Variants in CACNB2 observed in about 807,000 individuals in gnomAD.
The protein encoded by CACNB2 is calcium voltage-gated channel auxiliary subunit beta 2, also known as voltage-dependent L-type calcium channel subunit beta-2.
CACNB2 carries 42 observed loss-of-function variants against 73.3 expected under a neutral mutation model. That is an observed-to-expected ratio of 0.57 (90% CI 0.45 to 0.74). The LOEUF (loss-of-function observed/expected upper bound fraction) is 0.74, where lower values mean the gene tolerates loss of function less well. CACNB2 is among the 30% of genes least tolerant of loss of function. The pLI is 0.00. For missense variants in CACNB2, 940 were observed against 853.0 expected (o/e 1.10, Z -1.27); for synonymous variants, 348 against 310.3 (o/e 1.12, Z -1.28).
At chr10:18,309,621 C>G (rs917100652) in intron 2 of CACNB2, among the ~76,000 whole-genome samples, 1 of 152,068 alleles carries the variant, frequency 6.6e-6, no homozygotes, top group Non-Finnish European at 1.5e-5. Flanking sequence ...CCATGCCCAG[C>G]TAATTTTTGT....
chr10:18,161,629 C>CTCTT (rs397825429), intron 2 of CACNB2, among the ~76,000 whole-genome samples: 46 of 145,902 alleles, frequency 3.2e-4, no homozygotes, highest in South Asian at 8.8e-4. Flanking sequence ...TGGCAAATCT[C>CTCTT]TTTTTTTTTT....
intron 2 of CACNB2, among the ~76,000 whole-genome samples, chr10:18,273,397 A>C (rs979768997): frequency 6.6e-6 from 1 of 152,198 alleles, no homozygotes; most frequent in African/African-American, 2.4e-5. Flanking sequence ...AACAAAAAAA[A>C]AAGAGGGAAA....
rs190184813 is a variant in CACNB2, at chr10:18,435,408, C to G, written c.333+33365C>G. ...TAGGGTCTTCACTTTTCCTGAAACTCCCTACTCCTTTCCAATGATCACTTC... is the reference window on the plus strand; with the variant it reads ...TAGGGTCTTCACTTTTCCTGAAACTGCCTACTCCTTTCCAATGATCACTTC... On this transcript the variant is annotated intron_variant, in intron 3 of 13. Coordinates refer to ENST00000324631, the MANE Select transcript of CACNB2 (RefSeq NM_201596.3). Among the ~76,000 whole-genome samples, 111 of 152,250 alleles carry G rather than the reference C, an allele frequency of 7.3e-4. 3 individuals are homozygous for G. The highest frequency in any genetic ancestry group is 2.5e-3 in the African/African-American group (102 of 41,552).
Position 18,518,295 on chromosome 10 carries a change from C to T in CACNB2, c.805-41C>T, listed in dbSNP as rs371162914. The T allele has an allele frequency of 1.1e-5, 14 of 1,310,056 alleles. No individual in the cohort carries two copies. In the African/African-American group the frequency reaches 1.6e-4, roughly 15 times the overall value. 81.2% of individuals were successfully genotyped at this position (1,310,056 alleles called of 1,614,324 possible). A position where few individuals can be genotyped will look rare whatever the true frequency, so the allele number is the denominator to read the frequency against. On this transcript the variant is annotated intron_variant, in intron 7 of 13. Coordinates refer to ENST00000324631, the MANE Select transcript of CACNB2 (RefSeq NM_201596.3). ...TTATACACAAAATATTTATGTTCTA[C>T]CTGCCTGTGAAACGTCTAAAAGCCT...
Position 18,539,287 on chromosome 10 carries a change from G to A in CACNB2, c.1546G>A (p.Ala516Thr), listed in dbSNP as rs910210162. ...RSAPIRSASQAEEEPSVEPVK... is the reference protein window; with the variant it reads ...RSAPIRSASQTEEEPSVEPVK... The stretch of plus-strand genomic sequence containing the variant: ...CGCTCCTATCCGTTCTGCTTCCCAA[G>A]CTGAAGAAGAACCTAGTGTGGAACC... Residue 516 changes from alanine to threonine, a missense_variant, in exon 14 of 14, where the codon GCT becomes ACT. By Grantham distance (58) the Ala-to-Thr change is moderately conservative (BLOSUM62 0). Transcript: ENST00000324631. 3.7e-6 allele frequency: 6 copies of A among 1,614,002 alleles called. No individual in the cohort carries two copies. The South Asian group carries it at 4.4e-5, about 12-fold the overall frequency.
intron 2 of CACNB2, among the ~76,000 whole-genome samples, chr10:18,361,268 G>C (rs1359041736): frequency 6.6e-6 from 1 of 151,354 alleles, no homozygotes; most frequent in African/African-American, 2.4e-5. Flanking sequence ...GAGGTGGAAG[G>C]ATCGCTTGAG....
At chr10:18,529,893 G>A (rs990572084) in intron 10 of CACNB2, among the ~76,000 whole-genome samples, 1 of 152,146 alleles carries the variant, frequency 6.6e-6, no homozygotes, top group Non-Finnish European at 1.5e-5. Flanking sequence ...CCCAAGACTG[G>A]GTAAAGTAAA....
chr10:18,381,340 A>G (rs570193926), intron 2 of CACNB2, among the ~76,000 whole-genome samples: 8 of 152,068 alleles, frequency 5.3e-5, no homozygotes, highest in Admixed American at 2.6e-4. Flanking sequence ...CCATTTGGTA[A>G]TATACCTATT....
intron 2 of CACNB2, among the ~76,000 whole-genome samples, chr10:18,364,034 G>T (rs1413878241): frequency 6.7e-6 from 1 of 149,042 alleles, no homozygotes; most frequent in African/African-American, 2.5e-5. Context: ...TGAAACCTCC[G>T]CCTCCCGGGT....
chr10:18,217,271 G>T (rs2035550372), intron 2 of CACNB2, among the ~76,000 whole-genome samples: 1 of 152,128 alleles, frequency 6.6e-6, no homozygotes, highest in African/African-American at 2.4e-5. Context: ...ATCACCTGAG[G>T]TCAGGAGTTC....
intron 2 of CACNB2, among the ~76,000 whole-genome samples, chr10:18,282,412 C>T (rs184485700): frequency 1.2e-4 from 19 of 152,238 alleles, no homozygotes; most frequent in African/African-American, 4.3e-4. Context: ...TTGTCATAGA[C>T]AAAAGATAGA....
intron 3 of CACNB2, among the ~76,000 whole-genome samples, chr10:18,455,130 A>G (rs561914896): frequency 6.6e-6 from 1 of 152,312 alleles, no homozygotes; most frequent in Admixed American, 6.5e-5. Context: ...ATATCCACCA[A>G]TATGTGCCTC....
At chr10:18,209,458 C>G (rs2035230145) in intron 2 of CACNB2, among the ~76,000 whole-genome samples, 2 of 152,198 alleles carry the variant, frequency 1.3e-5, no homozygotes, top group South Asian at 4.1e-4. Context: ...ATGTTTCCAG[C>G]TTGCTTTTTC....
At chr10:18,196,979 T>TCCTCTCCTCC (rs1297411146) in intron 2 of CACNB2, among the ~76,000 whole-genome samples, 1 of 151,878 alleles carries the variant, frequency 6.6e-6, no homozygotes, top group Non-Finnish European at 1.5e-5. Context: ...TCCTCTCCCC[T>TCCTCTCCTCC]CCTCTCCTCC....
In CACNB2 at chr10:18,272,474, G is replaced by T. The variant is rs555390912; in HGVS notation, c.213+121499G>T. On this transcript the variant is annotated intron_variant, in intron 2 of 13. Coordinates refer to ENST00000324631, the MANE Select transcript of CACNB2 (RefSeq NM_201596.3). ...GAAATCACCTCTTTCTAATTTAAAA[G>T]ATAGAATTTATTGGAGGTTTGTAGC... Among the ~76,000 whole-genome samples the T allele has an allele frequency of 3.0e-4, 46 of 152,244 alleles. No homozygotes were observed. The South Asian group carries it at 9.5e-3, about 32-fold the overall frequency.
intron 9 of CACNB2, among the ~76,000 whole-genome samples, chr10:18,522,832 C>T (rs1355044701): frequency 1.6e-5 from 2 of 128,136 alleles, no homozygotes; most frequent in African/African-American, 6.1e-5. Flanking sequence ...GAGCCGAGAT[C>T]GTGCCACTGC....
At chr10:18,448,154 G>C (rs1386627049) in intron 3 of CACNB2, among the ~76,000 whole-genome samples, 1 of 152,058 alleles carries the variant, frequency 6.6e-6, no homozygotes, top group Non-Finnish European at 1.5e-5. Flanking sequence ...ACTGTACCTG[G>C]ACCTACTACT....
At chr10:18,480,185 A>AG (rs1427961327) in intron 3 of CACNB2, among the ~76,000 whole-genome samples, 1 of 152,204 alleles carries the variant, frequency 6.6e-6, no homozygotes, top group Non-Finnish European at 1.5e-5. Flanking sequence ...GGTTTTTTGA[A>AG]GGGGTTCCCA....
intron 2 of CACNB2, among the ~76,000 whole-genome samples, chr10:18,329,336 C>G (rs1399809997): frequency 2.0e-5 from 3 of 152,112 alleles, no homozygotes; most frequent in Non-Finnish European, 4.4e-5. Flanking sequence ...CATTTTAAAG[C>G]ATGAATGAAC....
Sources: allele counts gnomAD v4.1 joint callset (sites outside exome capture counted in the v4.1 genomes callset), GRCh38; gene constraint gnomAD v4.1.1; transcripts MANE v1.5; gene names NCBI Gene and HGNC (gene_info 2026-07-23, HGNC 2026-07-21).